POLB: variants seen among roughly 807,000 people sequenced by gnomAD.
The protein encoded by POLB is 5'-dRP lyase.
In POLB, 37 loss-of-function variants were observed where a neutral mutation model predicts 52.7. The observed-to-expected ratio is 0.70, with a 90% CI of 0.54 to 0.92. POLB has a LOEUF of 0.92. Ranked by LOEUF, POLB falls within the 40% of genes least tolerant of loss-of-function variation. The probability of loss-of-function intolerance (pLI) is 0.00; values close to 1 mark genes in which losing one functional copy is unlikely to be tolerated. For synonymous variants in POLB, 138 were observed against 131.3 expected, an observed-to-expected ratio of 1.05 and a Z score of -0.35; for missense variants, 313 against 400.8, an observed-to-expected ratio of 0.78 and a Z score of 1.87.
chr8:42,362,941 A>T (rs987449291), intron 11 of POLB, among the ~76,000 whole-genome samples: 1 of 151,976 alleles, frequency 6.6e-6, no homozygotes, highest in Non-Finnish European at 1.5e-5. Flanking sequence ...GCTGACCAAC[A>T]TGGAGAAACC....
intron 2 of POLB, chr8:42,339,908 T>C (rs1822094048): frequency 6.6e-6 from 1 of 152,154 alleles, no homozygotes; most frequent in African/African-American, 2.4e-5. Context: ...CCTCAGCTCT[T>C]AAAAGCAAAA....
Position 42,338,546 on chromosome 8 carries a change from T to C in POLB, c.-79T>C. ...GGTTGCTCCTGCTCCCGTCTCCAAGTCCTGGTACCTCCTTCAAGCTGGGAG... is the reference window on the plus strand; with the variant it reads ...GGTTGCTCCTGCTCCCGTCTCCAAGCCCTGGTACCTCCTTCAAGCTGGGAG... On this transcript the variant is annotated 5_prime_UTR_variant, in exon 1 of 14. Coordinates refer to ENST00000265421, the MANE Select transcript of POLB (RefSeq NM_002690.3). 7.7e-7 allele frequency: 1 copy of C among 1,301,640 alleles called. No individual in the cohort carries two copies. The highest frequency in any genetic ancestry group is 1.1e-6 in the Non-Finnish European group (1 of 896,458). 80.6% of individuals were successfully genotyped at this position (1,301,640 alleles called of 1,614,324 possible).
chr8:42,356,568 C>G (rs1050530926), intron 7 of POLB, among the ~76,000 whole-genome samples: 1 of 152,098 alleles, frequency 6.6e-6, no homozygotes, highest in Admixed American at 6.5e-5. Flanking sequence ...TCAGAAAGAA[C>G]CCTGTACCTA....
chr8:42,341,497 A>C (rs1793485016), intron 2 of POLB, among the ~76,000 whole-genome samples: 1 of 152,240 alleles, frequency 6.6e-6, no homozygotes, highest in African/African-American at 2.4e-5. Context: ...AAGACTATCC[A>C]GTGTTTATGC....
intron 4 of POLB, chr8:42,349,323 A>G (rs1822823309): frequency 5.6e-6 from 2 of 358,754 alleles, no homozygotes; most frequent in Non-Finnish European, 1.0e-5. Context: ...CATCGTTTTC[A>G]GTACTATTCA....
intron 6 of POLB, among the ~76,000 whole-genome samples, chr8:42,353,073 CA>C (rs1005829330): frequency 6.9e-4 from 85 of 122,776 alleles, no homozygotes; most frequent in African/African-American, 7.6e-4. Flanking sequence ...GACTCTGTCT[CA>C]AAAAAAAAAA....
intron 7 of POLB, 86 bp from the exon 8 acceptor site, chr8:42,357,083 C>G: frequency 1.3e-6 from 1 of 740,784 alleles, no homozygotes; most frequent in Non-Finnish European, 2.4e-6. Flanking sequence ...TGGTATGGCA[C>G]GGACAATTGT....
At chr8:42,357,296 C>G in intron 8 of POLB, 24 bp from the exon 9 acceptor site, 1 of 1,453,138 alleles carries the variant, frequency 6.9e-7, no homozygotes, top group South Asian at 1.2e-5. Flanking sequence ...TTTGGGAATA[C>G]TGACTTAATT....
chr8:42,368,126 G>C (rs1824156081), intron 11 of POLB, among the ~76,000 whole-genome samples: 1 of 152,184 alleles, frequency 6.6e-6, no homozygotes, highest in African/African-American at 2.4e-5. Flanking sequence ...CTTGAGGAAA[G>C]GAACAAAGCC....
intron 5 of POLB, among the ~76,000 whole-genome samples, chr8:42,350,813 A>G (rs3136747): frequency 0.035 from 5,368 of 152,296 alleles, 112 homozygotes; most frequent in Non-Finnish European, 0.04. Flanking sequence ...GTTGAAAATG[A>G]AAATGACTGC....
chr8:42,338,691 C>T lies in POLB; in HGVS notation c.61+6C>T, dbSNP rs1821998064. 1 of 1,613,620 alleles carries T rather than the reference C, an allele frequency of 6.2e-7. No individual in the cohort carries two copies. The highest frequency in any genetic ancestry group is 8.5e-7 in the Non-Finnish European group (1 of 1,179,486). ...AATCACCGACATGCTCACAGGTTAGCACCGGGCCGGGCCCCGCTGGCTTTC... is the reference window on the plus strand; with the variant it reads ...AATCACCGACATGCTCACAGGTTAGTACCGGGCCGGGCCCCGCTGGCTTTC... On this transcript the variant is annotated splice_donor_region_variant and intron_variant, in intron 1 of 13. Transcript: ENST00000265421.
chr8:42,370,259 G>GTTTTTTTTT (rs34271342), intron 13 of POLB: 8 of 290,568 alleles, frequency 2.8e-5, no homozygotes, highest in Non-Finnish European at 3.3e-5. Context: ...ATCTAAAAGG[G>GTTTTTTTTT]TTTTTTTTTT....
chr8:42,360,503 A>G (rs1320848869), intron 9 of POLB, among the ~76,000 whole-genome samples: 1 of 152,206 alleles, frequency 6.6e-6, no homozygotes, highest in African/African-American at 2.4e-5. Flanking sequence ...ACACAATAGC[A>G]TATGAAGTAG....
intron 4 of POLB, among the ~76,000 whole-genome samples, chr8:42,349,578 C>T (rs1236508957): frequency 3.3e-5 from 5 of 152,086 alleles, no homozygotes; most frequent in East Asian, 1.9e-4. Flanking sequence ...TTAGTAGAGA[C>T]GGGGTTTCAC....
At chr8:42,361,594 T>A (rs1823691617) in intron 10 of POLB, 2 of 504,946 alleles carry the variant, frequency 4.0e-6, no homozygotes, top group African/African-American at 3.9e-5. Flanking sequence ...GAGAAAACAT[T>A]GAATACAATA....
intron 11 of POLB, 47 bp downstream of exon 11, chr8:42,362,745 T>A: frequency 1.0e-6 from 1 of 975,668 alleles, no homozygotes; most frequent in Non-Finnish European, 1.6e-6. Context: ...ACTTGGAGAC[T>A]GTTCAGTAGC....
intron 6 of POLB, among the ~76,000 whole-genome samples, chr8:42,353,818 T>A (rs572799776): frequency 1.3e-3 from 204 of 152,218 alleles, no homozygotes; most frequent in Admixed American, 2.5e-3. Flanking sequence ...ACAAAATGGG[T>A]ATTTCTGCTT....
intron 2 of POLB, chr8:42,341,841 C>G: frequency 1.8e-6 from 1 of 568,330 alleles, no homozygotes. Context: ...TTCTTCTGAG[C>G]AAGGGACATT....
rs35646293 is a variant in POLB, at chr8:42,370,237, A to C, written c.913+249A>C. 148 of 589,520 alleles carry C rather than the reference A, an allele frequency of 2.5e-4. 1 individual carries two copies. The highest frequency in any genetic ancestry group is 4.9e-4 in the Admixed American group (20 of 41,206). 36.5% of individuals were successfully genotyped at this position (589,520 alleles called of 1,614,324 possible). A position where few individuals can be genotyped will look rare whatever the true frequency, so the allele number is the denominator to read the frequency against. On this transcript the variant is annotated intron_variant, in intron 13 of 13. Transcript: ENST00000265421. ...GATTAAATCCTTGCATGCTCAGTAA[A>C]ATATCTTATTCATCTAAAAGGGTTT...
Sources: gnomAD v4.1 joint callset for allele counts (sites outside exome capture counted in the v4.1 genomes callset) on GRCh38, gnomAD v4.1.1 for gene constraint, MANE v1.5 for transcripts, NCBI Gene and HGNC (gene_info 2026-07-23, HGNC 2026-07-21) for gene names.